The following SIGLEC9 variants were observed in gnomAD, a reference collection of about 807,000 sequenced individuals.
The protein encoded by SIGLEC9 is sialic acid-binding Ig-like lectin 9.
SIGLEC9 carries 26 observed loss-of-function variants against 38.3 expected under a neutral mutation model. That is an observed-to-expected ratio of 0.68 (90% CI 0.50 to 0.94). SIGLEC9 has a LOEUF of 0.94. Among genes scored for constraint, SIGLEC9 ranks in the 40% least tolerant of loss-of-function variants. The pLI is 0.00. For synonymous variants in SIGLEC9, 236 were observed against 248.0 expected, an observed-to-expected ratio of 0.95 and a Z score of 0.45; for missense variants, 556 against 585.7, an observed-to-expected ratio of 0.95 and a Z score of 0.52.
At chr19:51,136,024 T>A in exon 7 of SIGLEC9, 1 of 703,676 alleles carries the variant, frequency 1.4e-6, no homozygotes, top group Non-Finnish European at 2.6e-6. Context: ...TTCTCCTGAA[T>A]CTCCGTGATC....
upstream of SIGLEC9, among the ~76,000 whole-genome samples, chr19:51,121,488 G>T (rs1379400563): frequency 2.6e-5 from 4 of 151,930 alleles, no homozygotes; most frequent in Non-Finnish European, 5.9e-5. Context: ...TGAGCCAGTG[G>T]GTGCTGTAAC....
intron 1 of SIGLEC9, 69 bp downstream of exon 1, chr19:51,125,464 A>G: frequency 4.5e-6 from 7 of 1,547,622 alleles, no homozygotes; most frequent in Admixed American, 3.9e-5. Context: ...GCTGGGATGG[A>G]GCCCCTGCCC....
Position 51,129,906 on chromosome 19 carries a change from C to A in SIGLEC9, c.1219C>A (p.Pro407Thr), listed in dbSNP as rs2092005703. The change falls in exon 7 of 7, where the codon CCT (proline) becomes ACT (threonine). Residue 407 changes from proline to threonine, a missense_variant. Coordinates refer to ENST00000250360, the MANE Select transcript of SIGLEC9 (RefSeq NM_014441.3). ...CATGTCTCAGGGGCCCCTGACTGAA[C>A]CTTGGGCAGAAGACAGTCCCCCAGA... ...GSASQGPLTE[P>T]WAEDSPPDQP... is the part of the protein sequence containing the mutation. The A allele has an allele frequency of 1.3e-6, 2 of 1,598,820 alleles. No individual in the cohort carries two copies. The highest frequency in any genetic ancestry group is 1.7e-4 in the Middle Eastern group (1 of 5,948).
At chr19:51,123,678 T>C (rs1475733533), upstream of SIGLEC9, among the ~76,000 whole-genome samples, 1 of 152,138 alleles carries the variant, frequency 6.6e-6, no homozygotes, top group African/African-American at 2.4e-5. Flanking sequence ...AGAGGAGGTG[T>C]TGCGGCATCC....
In SIGLEC9 at chr19:51,125,406, G is replaced by T. The variant is rs758985685; in HGVS notation, c.421+11G>T. 1.9e-6 allele frequency: 3 copies of T among 1,571,684 alleles called. No individual in the cohort carries two copies. The highest frequency in any genetic ancestry group is 2.6e-6 in the Non-Finnish European group (3 of 1,158,260). On this transcript the variant is annotated intron_variant, in intron 1 of 6. Coordinates refer to ENST00000250360, the MANE Select transcript of SIGLEC9 (RefSeq NM_014441.3). ...CTGTGAATGTGACAGGTAAGGCACA[G>T]GCTCCAGGAAAGGCCACAGGGAAAG...
Position 51,129,887 on chromosome 19 carries a change from T to A in SIGLEC9, c.1204-4T>A, listed in dbSNP as rs767306963. The A allele has an allele frequency of 5.7e-6, 9 of 1,571,288 alleles. No individual in the cohort carries two copies. The highest frequency in any genetic ancestry group is 6.9e-6 in the Non-Finnish European group (8 of 1,160,296). On this transcript the variant is annotated splice_polypyrimidine_tract_variant and splice_region_variant and intron_variant, in intron 6 of 6. Transcript: ENST00000250360. ...CTGACTCACTTCTCTCTCCCATGTCTCAGGGGCCCCTGACTGAACCTTGGG... is the reference window on the plus strand; with the variant it reads ...CTGACTCACTTCTCTCTCCCATGTCACAGGGGCCCCTGACTGAACCTTGGG...
rs1447108525 is a variant in SIGLEC9, at chr19:51,125,147, A to G, written c.173A>G (p.His58Arg). Residue 58 changes from histidine to arginine, a missense_variant, in exon 1 of 7, where the codon CAT becomes CGT. By Grantham distance (29) the His-to-Arg change is conservative. Transcript: ENST00000250360. ...TGGATTTACCCTGGCCCAGTAGTTC[A>G]TGGCTACTGGTTCCGGGAAGGGGCC... ...HGWIYPGPVV[H>R]GYWFREGANT... 2 of 1,613,964 alleles carry G rather than the reference A, an allele frequency of 1.2e-6. No homozygotes were observed. The highest frequency in any genetic ancestry group is 1.7e-6 in the Non-Finnish European group (2 of 1,179,978).
At chr19:51,125,941 T>TG in intron 2 of SIGLEC9, 66 bp downstream of exon 2, 1 of 1,603,062 alleles carries the variant, frequency 6.2e-7, no homozygotes, top group Non-Finnish European at 8.5e-7. Flanking sequence ...CACTGGGTGC[T>TG]GGGTCCCGGA....
At chr19:51,135,190 C>T (rs977517326), downstream of SIGLEC9, among the ~76,000 whole-genome samples, 1 of 152,180 alleles carries the variant, frequency 6.6e-6, no homozygotes, top group African/African-American at 2.4e-5. Flanking sequence ...CCACTTAACA[C>T]CACTTTCTGT....
chr19:51,133,724 A>C (rs1267332786), downstream of SIGLEC9, among the ~76,000 whole-genome samples: 1 of 152,182 alleles, frequency 6.6e-6, no homozygotes, highest in Non-Finnish European at 1.5e-5. Flanking sequence ...AAAAGCGGAG[A>C]CTATAATGTT....
chr19:51,134,131 T>C (rs893125330), downstream of SIGLEC9, among the ~76,000 whole-genome samples: 6 of 148,636 alleles, frequency 4.0e-5, no homozygotes, highest in Admixed American at 6.8e-5. Flanking sequence ...TCCTGGGAAT[T>C]TTATTTCTTT....
At chr19:51,121,187 G>A (rs1428759802), upstream of SIGLEC9, among the ~76,000 whole-genome samples, 4 of 151,948 alleles carry the variant, frequency 2.6e-5, no homozygotes, top group Admixed American at 6.6e-5. Flanking sequence ...ATGGAGTCTC[G>A]CTCTGTCACC....
downstream of SIGLEC9, among the ~76,000 whole-genome samples, chr19:51,131,060 A>C (rs959487100): frequency 9.9e-5 from 15 of 152,192 alleles, no homozygotes; most frequent in Admixed American, 9.2e-4. Context: ...GGGAATGAGA[A>C]ACGTTTCCAA....
rs747937859 is a variant in SIGLEC9 at position 51,127,208 on chromosome 19, G to A, written c.927G>A (p.Trp309Ter). ...PSNPGVLELP[W>*]VHLRDAAEFT... ...ACCCGGGGGTGCTGGAGCTGCCTTGGGTGCACCTGAGGGATGCAGCTGAAT... is the reference window on the plus strand; with the variant it reads ...ACCCGGGGGTGCTGGAGCTGCCTTGAGTGCACCTGAGGGATGCAGCTGAAT... Residue 309 changes from tryptophan (W) to a stop codon, truncating the protein, a stop_gained, in exon 4 of 7, where the codon TGG becomes TGA. Coordinates refer to ENST00000250360, the MANE Select transcript of SIGLEC9 (RefSeq NM_014441.3). LOFTEE classifies it high-confidence loss of function. 1.9e-6 allele frequency: 3 copies of A among 1,614,070 alleles called. No individual in the cohort carries two copies. In the African/African-American group the frequency reaches 4.0e-5, roughly 22 times the overall value.
chr19:51,120,199 T>A (rs2091947913), upstream of SIGLEC9: 1 of 152,704 alleles, frequency 6.5e-6, no homozygotes, highest in Admixed American at 6.5e-5. This position sits in a 1 kb window ranked among gnomAD's most constrained non-coding sequence, Gnocchi z 4.1. Flanking sequence ...TCGTTGGTCA[T>A]CCCCAGACCT....
intron 2 of SIGLEC9, 87 bp downstream of exon 2, chr19:51,125,962 G>C (rs1482748327): frequency 4.4e-6 from 7 of 1,594,350 alleles, no homozygotes; most frequent in Non-Finnish European, 6.0e-6. Context: ...ATCTGGGCTG[G>C]TGGTGGGGTC....
In SIGLEC9 at chr19:51,125,700, C is replaced by T. The variant is rs1568611023; in HGVS notation, c.525C>T (p.Pro175=). The T allele has an allele frequency of 9.9e-6, 16 of 1,613,924 alleles. 1 individual carries two copies. The highest frequency in any genetic ancestry group is 1.4e-5 in the Non-Finnish European group (16 of 1,180,010). ...CCTGGGCCTGTGAGCAGGGGACACCCCCTATGATCTCCTGGATAGGGACCT... is the reference window on the plus strand; with the variant it reads ...CCTGGGCCTGTGAGCAGGGGACACCTCCTATGATCTCCTGGATAGGGACCT... The part of the protein sequence containing the change: ...SVPWACEQGT[P]PMISWIGTSV... The change falls in exon 2 of 7, where the codon CCC becomes CCT. Residue 175 remains proline (P), a synonymous_variant. Transcript: ENST00000250360.
At chr19:51,128,123 A>G in intron 5 of SIGLEC9, 84 bp downstream of exon 5, 1 of 1,146,740 alleles carries the variant, frequency 8.7e-7, no homozygotes. Context: ...CCAGAGCTGG[A>G]GGGACCTGGA....
chr19:51,123,992 C>T (rs2091959032), upstream of SIGLEC9, among the ~76,000 whole-genome samples: 2 of 152,164 alleles, frequency 1.3e-5, no homozygotes, highest in South Asian at 4.1e-4. Context: ...TTCACCGGGA[C>T]CCCTGGGAGC....
Sources: gnomAD v4.1 joint callset for allele counts (sites outside exome capture counted in the v4.1 genomes callset) on GRCh38, gnomAD v4.1.1 for gene constraint, Gnocchi (gnomAD v3.1) non-coding constraint, MANE v1.5 for transcripts, NCBI Gene and HGNC (gene_info 2026-07-23, HGNC 2026-07-21) for gene names.